The following GABRG3 variants were observed in gnomAD, a reference collection of about 807,000 sequenced individuals.
The protein encoded by GABRG3 is gamma-aminobutyric acid receptor subunit gamma-3.
GABRG3 carries 25 observed loss-of-function variants against 48.8 expected under a neutral mutation model. The observed-to-expected ratio is 0.51, with a 90% confidence interval of 0.37 to 0.72. The LOEUF is 0.72. Ranked by LOEUF, GABRG3 falls within the 30% of genes least tolerant of loss-of-function variation. The probability of loss-of-function intolerance (pLI) is 0.00; values close to 1 mark genes in which losing one functional copy is unlikely to be tolerated. For synonymous variants in GABRG3, 227 were observed against 217.6 expected, an observed-to-expected ratio of 1.04 and a Z score of -0.38; for missense variants, 394 against 577.9, an observed-to-expected ratio of 0.68 and a Z score of 3.26.
At chr15:27,125,208 G>A (rs146067064) in intron 3 of GABRG3, among the ~76,000 whole-genome samples, 2 of 152,274 alleles carry the variant, frequency 1.3e-5, no homozygotes, top group East Asian at 1.9e-4. Flanking sequence ...TACAGTGGAA[G>A]GTAATTCAAA....
At position 26,975,963 on chromosome 15, in the gene GABRG3, G is replaced by A. The variant is rs1894934450; in HGVS notation, c.54-1039G>A. On this transcript the variant is annotated intron_variant, in intron 1 of 9. Transcript: ENST00000615808. The surrounding 1 kb of genome is among the most constrained non-coding windows in gnomAD (Gnocchi z 4.6). ...GCTGGGGTCAATGGTAGTCTGCCTG[G>A]AAATGCTGCTTTAAGGCAGAAAGAG... Among the ~76,000 whole-genome samples the A allele has an allele frequency of 1.3e-5, 2 of 152,178 alleles. No individual in the cohort carries two copies. The highest frequency in any genetic ancestry group is 4.1e-4 in the South Asian group (2 of 4,832).
rs147673602 is a variant in GABRG3 at position 27,212,655 on chromosome 15, T to C, written c.271-114154T>C. Among the ~76,000 whole-genome samples, 173 of 152,290 alleles carry C rather than the reference T, an allele frequency of 1.1e-3. 1 individual carries two copies. Among genetic ancestry groups the C allele is most frequent in the African/African-American group, 4.0e-3 (165 of 41,556 alleles). ...GCACATTCACGTTGTCGTACAACCGTCACCACCGCCCATCTCTAGGACCTT... is the reference window on the plus strand; with the variant it reads ...GCACATTCACGTTGTCGTACAACCGCCACCACCGCCCATCTCTAGGACCTT... On this transcript the variant is annotated intron_variant, in intron 3 of 9. Coordinates refer to ENST00000615808, the MANE Select transcript of GABRG3 (RefSeq NM_033223.5).
chr15:27,342,836 G>T (rs556791945), intron 5 of GABRG3, among the ~76,000 whole-genome samples: 15 of 152,300 alleles, frequency 9.8e-5, no homozygotes, highest in Admixed American at 3.3e-4. Flanking sequence ...GCAGAGCGTT[G>T]CTCCCGCCTC....
chr15:26,983,427 C>T (rs1895091824), intron 2 of GABRG3, among the ~76,000 whole-genome samples: 1 of 152,062 alleles, frequency 6.6e-6, no homozygotes, highest in Non-Finnish European at 1.5e-5. Flanking sequence ...TAGATAGGGG[C>T]ACTCCCACTT....
chr15:27,022,246 C>T (rs902291478), intron 2 of GABRG3, among the ~76,000 whole-genome samples: 1 of 152,212 alleles, frequency 6.6e-6, no homozygotes, highest in African/African-American at 2.4e-5. Flanking sequence ...TACAACTTGC[C>T]ACTTCACGCT....
chr15:27,312,261 CA>C (rs1311096824), intron 3 of GABRG3, among the ~76,000 whole-genome samples: 1 of 151,442 alleles, frequency 6.6e-6, no homozygotes, highest in African/African-American at 2.4e-5. Context: ...GTCATAGGAG[CA>C]AAAATAAGAA....
chr15:27,501,508 A>G (rs1890639269), intron 6 of GABRG3, among the ~76,000 whole-genome samples: 1 of 152,062 alleles, frequency 6.6e-6, no homozygotes, highest in African/African-American at 2.4e-5. Context: ...CCCAGATATA[A>G]TAAGTTCCAT....
intron 3 of GABRG3, among the ~76,000 whole-genome samples, chr15:27,324,565 T>C (rs1893541048): frequency 6.6e-6 from 1 of 152,204 alleles, no homozygotes; most frequent in Non-Finnish European, 1.5e-5. Flanking sequence ...ACACCTCCTT[T>C]GGGGTCCAAG....
chr15:27,049,199 C>T (rs1896414588), intron 3 of GABRG3, among the ~76,000 whole-genome samples: 1 of 152,298 alleles, frequency 6.6e-6, no homozygotes, highest in African/African-American at 2.4e-5. Context: ...ATTAGGGAGC[C>T]CTGCATTTTT....
At chr15:27,322,116 A>T (rs1017469072) in intron 3 of GABRG3, among the ~76,000 whole-genome samples, 2 of 152,262 alleles carry the variant, frequency 1.3e-5, no homozygotes, top group African/African-American at 4.8e-5. Context: ...GCAAAAAGGA[A>T]GGATGATTAA....
chr15:27,322,926 G>A (rs1196289441), intron 3 of GABRG3, among the ~76,000 whole-genome samples: 1 of 152,174 alleles, frequency 6.6e-6, no homozygotes, highest in Non-Finnish European at 1.5e-5. Flanking sequence ...CTGTCTCTGT[G>A]TCAGGAATCC....
At chr15:27,493,945 A>G (rs1038269535) in intron 6 of GABRG3, among the ~76,000 whole-genome samples, 2 of 152,168 alleles carry the variant, frequency 1.3e-5, no homozygotes, top group African/African-American at 4.8e-5. Context: ...TTGAGGGACT[A>G]AGGCTTGGCT....
rs1260635523 is a variant in GABRG3 at position 27,313,307 on chromosome 15, T to TATATATATATAC, written c.271-13499_271-13498insTATATATACATA. 1.8e-4 allele frequency among the ~76,000 whole-genome samples: 18 copies of TATATATATATAC among 98,960 alleles called. 1 individual carries two copies. Among genetic ancestry groups the TATATATATATAC allele is most frequent in the East Asian group, 1.2e-3 (4 of 3,242 alleles). The allele number at this position is 98,960 out of a possible 152,430, so 64.9% of individuals were successfully genotyped here. On this transcript the variant is annotated intron_variant, in intron 3 of 9. Transcript: ENST00000615808. ...ATATATATATATATATATATATATA[T>TATATATATATAC]ATACCCAACATCAGCACACCAAAAT...
chr15:27,326,995 A>G lies in GABRG3; in HGVS notation c.457A>G (p.Ile153Val), dbSNP rs770053499. The change falls in exon 4 of 10, where the codon ATT (isoleucine) becomes GTT (valine). Residue 153 changes from isoleucine to valine, a missense_variant. Physicochemically the swap from Ile to Val is conservative, Grantham distance 29 (BLOSUM62 3). Transcript: ENST00000615808. ...WITTPNQLLR[I>V]WNDGKILYTL... Reference sequence around the variant, plus strand: ...CACCACACCCAATCAGCTCCTCCGGATTTGGAATGACGGGAAAATCCTTTA... The same window carrying G: ...CACCACACCCAATCAGCTCCTCCGGGTTTGGAATGACGGGAAAATCCTTTA... 5 of 1,614,028 alleles carry G rather than the reference A, an allele frequency of 3.1e-6. No homozygotes were observed. In the South Asian group the frequency reaches 5.5e-5, roughly 18 times the overall value.
chr15:27,274,880 A>C (rs2140475907), intron 3 of GABRG3, among the ~76,000 whole-genome samples: 1 of 152,338 alleles, frequency 6.6e-6, no homozygotes, highest in East Asian at 1.9e-4. Flanking sequence ...ATTAGTCTTA[A>C]GGCACCACCT....
intron 5 of GABRG3, among the ~76,000 whole-genome samples, chr15:27,332,726 G>A (rs1253712205): frequency 1.3e-5 from 2 of 152,130 alleles, no homozygotes; most frequent in Non-Finnish European, 2.9e-5. Flanking sequence ...TAGGAAAACT[G>A]CCCAAAATGT....
At chr15:27,039,215 T>C (rs1896232122) in intron 3 of GABRG3, among the ~76,000 whole-genome samples, 1 of 152,208 alleles carries the variant, frequency 6.6e-6, no homozygotes, top group Admixed American at 6.5e-5. Context: ...CTGTGGGGAA[T>C]TCTTGCCAGA....
chr15:27,207,065 T>C (rs1268216719), intron 3 of GABRG3, among the ~76,000 whole-genome samples: 1 of 152,146 alleles, frequency 6.6e-6, no homozygotes, highest in Admixed American at 6.5e-5. Flanking sequence ...TTAATAACAG[T>C]ATGTGCAGAT....
chr15:27,318,374 T>C (rs1893303861), intron 3 of GABRG3, among the ~76,000 whole-genome samples: 1 of 152,140 alleles, frequency 6.6e-6, no homozygotes, highest in Non-Finnish European at 1.5e-5. Context: ...TCATCATTAA[T>C]ACTAAGGGTC....
Sources: allele counts gnomAD v4.1 joint callset (sites outside exome capture counted in the v4.1 genomes callset), GRCh38; gene constraint gnomAD v4.1.1; non-coding constraint Gnocchi (gnomAD v3.1); transcripts MANE v1.5; gene names NCBI Gene and HGNC (gene_info 2026-07-23, HGNC 2026-07-21).